Variants in STAR observed in about 807,000 individuals in gnomAD.
STAR encodes the protein steroidogenic acute regulatory protein, mitochondrial.
Under a neutral mutation model 32.3 loss-of-function variants are expected in STAR, and 32 were observed. The ratio of observed to expected loss-of-function variants is 0.99; its 90% confidence interval spans 0.75 to 1.33. STAR has a LOEUF of 1.33. STAR is among the 40% of genes most tolerant of loss of function. The pLI, the probability that STAR is intolerant of heterozygous loss-of-function variation, is 0.00. For synonymous variants in STAR, 134 were observed against 140.5 expected (o/e 0.95, Z 0.33); for missense variants, 375 against 379.0 (o/e 0.99, Z 0.09).
Position 38,145,587 on chromosome 8 carries a change from T to C in STAR, c.651-272A>G, listed in dbSNP as rs151264585. ...GGGATGTCAGGGAAAGGATTCAGGC[T>C]GGTGGCTGGGCTGGGGCCTTGGGAA... is the stretch of plus-strand genomic sequence containing the variant. On this transcript the variant is annotated intron_variant, in intron 5 of 6. Coordinates refer to ENST00000276449, the MANE Select transcript of STAR (RefSeq NM_000349.3). The C allele has an allele frequency of 2.9e-4, 165 of 573,690 alleles. 1 individual carries two copies. Among genetic ancestry groups the C allele is most frequent in the African/African-American group, 2.4e-3 (131 of 53,544 alleles). 35.5% of individuals were successfully genotyped at this position (573,690 alleles called of 1,614,324 possible).
At chr8:38,150,432 C>T (rs558352048) in intron 1 of STAR, among the ~76,000 whole-genome samples, 4 of 98,436 alleles carry the variant, frequency 4.1e-5, no homozygotes, top group Non-Finnish European at 6.4e-5. Flanking sequence ...AAAAAAAGAA[C>T]GAATGAAGGA....
In STAR at chr8:38,150,914, C is replaced by T; in HGVS notation, c.-96G>A. 1.9e-6 allele frequency: 3 copies of T among 1,598,198 alleles called. No individual in the cohort carries two copies. Among genetic ancestry groups the T allele is most frequent in the Non-Finnish European group, 2.5e-6 (3 of 1,179,410 alleles). On this transcript the variant is annotated 5_prime_UTR_variant, in exon 1 of 7. Coordinates refer to ENST00000276449, the MANE Select transcript of STAR (RefSeq NM_000349.3). ...TCTCAAGGGTGGTTCTTCGTCCTTC[C>T]TGAGCCCCTCAAGCTTCGCCTCTGA... is the stretch of plus-strand genomic sequence containing the variant.
chr8:38,147,981 A>AAT (rs1802602600), intron 3 of STAR, among the ~76,000 whole-genome samples: 1 of 152,216 alleles, frequency 6.6e-6, no homozygotes, highest in South Asian at 2.1e-4. Flanking sequence ...AGGACACAGG[A>AAT]ATAGTGTTTC....
intron 6 of STAR, 24 bp downstream of exon 6, chr8:38,145,198 A>G (rs2130612447): frequency 3.7e-6 from 6 of 1,613,986 alleles, no homozygotes; most frequent in Non-Finnish European, 4.2e-6. Context: ...CCTGCCTTCC[A>G]GGTCCCCCTC....
At position 38,144,151 on chromosome 8, in the gene STAR, A is replaced by T; in HGVS notation, c.*122T>A. The T allele has an allele frequency of 9.5e-7, 1 of 1,054,028 alleles. No individual in the cohort carries two copies. Among genetic ancestry groups the T allele is most frequent in the Non-Finnish European group, 1.4e-6 (1 of 708,058 alleles). The allele number at this position is 1,054,028 out of a possible 1,614,324, so 65.3% of individuals were successfully genotyped here. A position where few individuals can be genotyped will look rare whatever the true frequency, so the allele number is the denominator to read the frequency against. ...ATCCTAGTGTCATACTCTAAACACG[A>T]ACCCCACCCATCCCACTGTCACCAG... On this transcript the variant is annotated 3_prime_UTR_variant, in exon 7 of 7. Transcript: ENST00000276449.
chr8:38,146,517 C>G, intron 3 of STAR, 70 bp from the exon 4 acceptor site: 4 of 1,555,280 alleles, frequency 2.6e-6, no homozygotes, highest in Non-Finnish European at 3.5e-6. Flanking sequence ...GTGGTTCACG[C>G]CTATAATCCC....
chr8:38,145,255 GGTCTTAGA>G lies in STAR; in HGVS notation c.703_710del (p.Ser235GlnfsTer45). On this transcript the variant is annotated frameshift_variant, in exon 6 of 7. Coordinates refer to ENST00000276449, the MANE Select transcript of STAR (RefSeq NM_000349.3). LOFTEE classifies it high-confidence loss of function. ...CGATGCTGAGTAGCCACGTAAGTTT[GGTCTTAGA>G]GGGACTTCCAGCCAACGGGTGAAGC... The G allele has an allele frequency of 6.2e-7, 1 of 1,614,156 alleles. No individual in the cohort carries two copies. The highest frequency in any genetic ancestry group is 8.5e-7 in the Non-Finnish European group (1 of 1,180,028).
At chr8:38,145,009 GAAAA>G (rs140343934) in intron 6 of STAR, 14,305 of 1,116,500 alleles carry the variant, frequency 0.013, no homozygotes, top group Middle Eastern at 0.017. Context: ...ACTGAGTCTC[GAAAA>G]AAAAAAAAAA....
intron 3 of STAR, among the ~76,000 whole-genome samples, chr8:38,147,082 G>A (rs1802588552): frequency 6.6e-6 from 1 of 151,660 alleles, no homozygotes; most frequent in Non-Finnish European, 1.5e-5. Flanking sequence ...CAACCTCCTA[G>A]GCTCAAGAAA....
rs754907015 is a variant in STAR, at chr8:38,148,269, C to T, written c.237G>A (p.Gly79=). ...SDQELAYLQQ[G]EEAMQKALGI... The stretch of plus-strand genomic sequence containing the variant: ...CCAAGGCCTTCTGCATGGCCTCCTC[C>T]CCCTGCTGGAGATAGGCCAGCTCCT... Residue 79 remains glycine, a synonymous_variant, in exon 3 of 7, where the codon GGG becomes GGA. Coordinates refer to ENST00000276449, the MANE Select transcript of STAR (RefSeq NM_000349.3). 5 of 1,614,132 alleles carry T rather than the reference C, an allele frequency of 3.1e-6. No homozygotes were observed. Among genetic ancestry groups the T allele is most frequent in the Middle Eastern group, 1.6e-4 (1 of 6,062 alleles).
At chr8:38,147,612 G>T (rs1247206286) in intron 3 of STAR, among the ~76,000 whole-genome samples, 1 of 152,238 alleles carries the variant, frequency 6.6e-6, no homozygotes, top group Non-Finnish European at 1.5e-5. Context: ...GGAAGGAAGG[G>T]TTCTACCTGA....
In STAR at chr8:38,150,771, G is replaced by T. The variant is rs1335326525; in HGVS notation, c.48C>A (p.His16Gln). 1.2e-6 allele frequency: 2 copies of T among 1,607,316 alleles called. No individual in the cohort carries two copies. The highest frequency in any genetic ancestry group is 1.7e-6 in the Non-Finnish European group (2 of 1,179,994). ...FKLCAGSSYR[H>Q]MRNMKGLRQQ... is the part of the protein sequence containing the mutation. ...AGCGCTCACCCTTCATGTTGCGCAT[G>T]TGTCTGTAGGAGCTCCCAGCGCACA... The change falls in exon 1 of 7, where the codon CAC becomes CAA. Residue 16 changes from histidine to glutamine, a missense_variant. By Grantham distance (24) the His-to-Gln change is conservative. Coordinates refer to ENST00000276449, the MANE Select transcript of STAR (RefSeq NM_000349.3).
chr8:38,150,730 A>G, intron 1 of STAR, 25 bp downstream of exon 1: 1 of 1,605,236 alleles, frequency 6.2e-7, no homozygotes, highest in Non-Finnish European at 8.5e-7. Context: ...CCAACCCCTC[A>G]TCGCCTCCTT....
At chr8:38,145,664 T>G in intron 5 of STAR, 1 of 557,948 alleles carries the variant, frequency 1.8e-6, no homozygotes, top group Non-Finnish European at 3.2e-6. Flanking sequence ...AATATTTTAG[T>G]CTACATTACA....
Position 38,148,698 on chromosome 8 carries a change from C to G in STAR, c.121G>C (p.Gly41Arg), listed in dbSNP as rs779535529. The G allele has an allele frequency of 6.2e-7, 1 of 1,613,996 alleles. No individual in the cohort carries two copies. The highest frequency in any genetic ancestry group is 1.3e-5 in the African/African-American group (1 of 74,948). The change falls in exon 2 of 7, where the codon GGG becomes CGG. Residue 41 changes from glycine to arginine, a missense_variant. Coordinates refer to ENST00000276449, the MANE Select transcript of STAR (RefSeq NM_000349.3). ...ATCCACGTGCTAGGGGTGGGGCCCC[C>G]CAGGGCCCTCCGGTTCAGCTCCTGG... Reference protein sequence around the residue: ...ISQELNRRALGGPTPSTWINQ... With the variant: ...ISQELNRRALRGPTPSTWINQ...
At chr8:38,144,968 C>G (rs549904413) in intron 6 of STAR, 2 of 1,281,852 alleles carry the variant, frequency 1.6e-6, no homozygotes, top group Non-Finnish European at 2.0e-6. Context: ...GAGACCATGT[C>G]ATTGTACTCC....
Position 38,148,645 on chromosome 8 carries a change from T to G in STAR, c.174A>C (p.Leu58=). The G allele has an allele frequency of 6.2e-7, 1 of 1,613,796 alleles. No individual in the cohort carries two copies. The highest frequency in any genetic ancestry group is 8.5e-7 in the Non-Finnish European group (1 of 1,179,918). ...CCCAGAAGCCTCAGCACTTACCGAG[T>G]AGAGAGCTCCGCCGCCGAACCTGGT... is the stretch of plus-strand genomic sequence containing the variant. ...WINQVRRRSS[L]LGSRLEETLY... is the part of the protein sequence containing the mutation. Residue 58 remains leucine, a synonymous_variant, in exon 2 of 7, where the codon CTA becomes CTC. Transcript: ENST00000276449.
intron 6 of STAR, chr8:38,144,587 C>G: frequency 7.1e-7 from 1 of 1,414,954 alleles, no homozygotes; most frequent in Non-Finnish European, 9.3e-7. Context: ...GACTGGCCAA[C>G]AAGATGTTTC....
At chr8:38,145,348 GT>G in intron 5 of STAR, 33 bp from the exon 6 acceptor site, 1 of 1,613,742 alleles carries the variant, frequency 6.2e-7, no homozygotes, top group South Asian at 1.1e-5. Context: ...CAGGAGGACA[GT>G]TGCGAGTTCT....
Sources: allele counts gnomAD v4.1 joint callset (sites outside exome capture counted in the v4.1 genomes callset), GRCh38; gene constraint gnomAD v4.1.1; transcripts MANE v1.5; gene names NCBI Gene and HGNC (gene_info 2026-07-23, HGNC 2026-07-21).